TG: variants seen among roughly 807,000 people sequenced by gnomAD.
The protein encoded by TG is thyroid hormones.
Under a neutral mutation model 324.7 loss-of-function variants are expected in TG, and 270 were observed. The observed-to-expected ratio is 0.83, with a 90% CI of 0.75 to 0.92. The LOEUF (loss-of-function observed/expected upper bound fraction) is 0.92, where lower values mean the gene tolerates loss of function less well. Among genes scored for constraint, TG ranks in the 40% least tolerant of loss-of-function variants. The probability of loss-of-function intolerance (pLI) is 0.00; values close to 1 mark genes in which losing one functional copy is unlikely to be tolerated. For missense variants in TG, 3,591 were observed against 3,456.4 expected, an observed-to-expected ratio of 1.04 and a Z score of -0.98; for synonymous variants, 1,401 against 1,327.0, an observed-to-expected ratio of 1.06 and a Z score of -1.21.
intron 40 of TG, among the ~76,000 whole-genome samples, chr8:133,028,151 C>G (rs1836278840): frequency 6.6e-6 from 1 of 152,208 alleles, no homozygotes; most frequent in African/African-American, 2.4e-5. Context: ...GGAACATTTC[C>G]TCTCCTCCTT....
At chr8:132,884,078 A>G (rs1020320439) in intron 8 of TG, among the ~76,000 whole-genome samples, 1 of 152,110 alleles carries the variant, frequency 6.6e-6, no homozygotes. Flanking sequence ...GTGTCTGTCT[A>G]TGAGTCTTCT....
intron 41 of TG, among the ~76,000 whole-genome samples, chr8:133,055,357 G>GCA (rs1186779364): frequency 2.3e-4 from 14 of 59,944 alleles, no homozygotes; most frequent in African/African-American, 9.7e-4. Flanking sequence ...ACACACACAC[G>GCA]CACGCGCGCA....
Position 132,904,186 on chromosome 8 carries a change from T to C in TG, c.3635-2502T>C, listed in dbSNP as rs192051589. Among the ~76,000 whole-genome samples the C allele has an allele frequency of 3.3e-5, 5 of 152,302 alleles. No homozygotes were observed. In the East Asian group the frequency reaches 9.7e-4, roughly 29 times the overall value. ...ATAACAGTCCAGCCCCACAGAGTTG[T>C]TGTGAAGATGGAGTCAACGCCTGGG... On this transcript the variant is annotated intron_variant, in intron 16 of 47. Transcript: ENST00000220616.
At chr8:132,985,236 G>GT (rs1459567961) in intron 35 of TG, among the ~76,000 whole-genome samples, 7 of 152,338 alleles carry the variant, frequency 4.6e-5, no homozygotes, top group Admixed American at 1.3e-4. Flanking sequence ...AAAGCTGTGT[G>GT]TAGGCATTGT....
intron 26 of TG, among the ~76,000 whole-genome samples, chr8:132,942,549 G>A (rs1212626097): frequency 1.3e-5 from 2 of 152,184 alleles, no homozygotes; most frequent in Non-Finnish European, 2.9e-5. Flanking sequence ...ATGTGCAATG[G>A]AATGTTCTAG....
intron 41 of TG, among the ~76,000 whole-genome samples, chr8:133,056,690 G>T (rs1053466650): frequency 6.6e-6 from 1 of 152,178 alleles, no homozygotes; most frequent in African/African-American, 2.4e-5. Context: ...TGTGAGAATC[G>T]AGTCTGCATA....
chr8:132,915,371 C>T (rs1270633734), intron 20 of TG, among the ~76,000 whole-genome samples: 1 of 152,188 alleles, frequency 6.6e-6, no homozygotes, highest in Non-Finnish European at 1.5e-5. Flanking sequence ...GCCTAGAAAC[C>T]TGGTTTCAAG....
chr8:132,933,488 G>A, intron 23 of TG, 73 bp from the exon 24 acceptor site: 1 of 1,205,468 alleles, frequency 8.3e-7, no homozygotes, highest in Non-Finnish European at 1.2e-6. Flanking sequence ...GGCAGGGGCA[G>A]GGGGATGTGT....
intron 18 of TG, 56 bp downstream of exon 18, chr8:132,908,396 G>GTTAC: frequency 6.6e-7 from 1 of 1,520,812 alleles, no homozygotes. Flanking sequence ...GGGTTACGGT[G>GTTAC]TCAGAAAACC....
chr8:133,109,214 A>G (rs1253045114), intron 43 of TG, among the ~76,000 whole-genome samples: 2 of 152,202 alleles, frequency 1.3e-5, no homozygotes, highest in African/African-American at 4.8e-5. Context: ...CTGACTGTGA[A>G]GTTCCCAGGC....
chr8:132,991,022 G>C (rs1012609168), intron 35 of TG, among the ~76,000 whole-genome samples: 2 of 144,894 alleles, frequency 1.4e-5, no homozygotes, highest in Non-Finnish European at 3.1e-5. Context: ...CCTTAGTGTT[G>C]TCTCGGTGGA....
At chr8:132,913,413 T>C (rs1819819539) in intron 20 of TG, 148 bp downstream of exon 20, 3 of 790,216 alleles carry the variant, frequency 3.8e-6, no homozygotes, top group Admixed American at 2.0e-5. Context: ...AATCATCTAC[T>C]ATGCATGGGT....
chr8:132,901,607 C>G, intron 16 of TG, 54 bp downstream of exon 16: 1 of 1,570,422 alleles, frequency 6.4e-7, no homozygotes, highest in South Asian at 1.2e-5. Context: ...GTTCTTTGAT[C>G]CAGACTGGGT....
At chr8:133,113,372 G>A in intron 43 of TG, 50 bp from the exon 44 acceptor site, 1 of 1,605,390 alleles carries the variant, frequency 6.2e-7, no homozygotes, top group South Asian at 1.1e-5. Flanking sequence ...ACACTGACTT[G>A]GACCTTTCAG....
chr8:133,013,834 T>C, intron 37 of TG, 70 bp downstream of exon 37: 2 of 1,549,528 alleles, frequency 1.3e-6, no homozygotes, highest in Non-Finnish European at 1.7e-6. Context: ...ATTTAAACAC[T>C]TGGTGAGTTG....
intron 44 of TG, 118 bp downstream of exon 44, chr8:133,113,721 C>T: frequency 8.5e-7 from 1 of 1,170,796 alleles, no homozygotes. Context: ...GAGGTTTCCT[C>T]TGCATCATTC....
At position 133,116,723 on chromosome 8, in the gene TG, C is replaced by T. The variant is rs373486209; in HGVS notation, c.7862+7C>T. 3.8e-5 allele frequency: 61 copies of T among 1,611,804 alleles called. No homozygotes were observed. Among genetic ancestry groups the T allele is most frequent in the Admixed American group, 3.7e-4 (22 of 60,018 alleles). On this transcript the variant is annotated splice_region_variant and intron_variant, in intron 45 of 47. Coordinates refer to ENST00000220616, the MANE Select transcript of TG (RefSeq NM_003235.5). Reference sequence around the variant, plus strand: ...AAAACTACGGCCATGGCAGGTAAGACGCTGCAGGGAAGCAGAGAAAGGAAG... The same window carrying T: ...AAAACTACGGCCATGGCAGGTAAGATGCTGCAGGGAAGCAGAGAAAGGAAG...
At chr8:133,109,423 C>T (rs1011737102) in intron 43 of TG, among the ~76,000 whole-genome samples, 22 of 152,140 alleles carry the variant, frequency 1.4e-4, no homozygotes, top group Admixed American at 1.4e-3. Flanking sequence ...GAACAGCAGG[C>T]GCAAAGGCTT....
At chr8:133,113,017 G>A (rs920645440) in intron 43 of TG, among the ~76,000 whole-genome samples, 1 of 152,178 alleles carries the variant, frequency 6.6e-6, no homozygotes, top group African/African-American at 2.4e-5. Flanking sequence ...CTCCTAACAT[G>A]ACCAGACCAC....
Sources: allele counts gnomAD v4.1 joint callset (sites outside exome capture counted in the v4.1 genomes callset), GRCh38; gene constraint gnomAD v4.1.1; transcripts MANE v1.5; gene names NCBI Gene and HGNC (gene_info 2026-07-23, HGNC 2026-07-21).